Variants in PTPRE observed in about 807,000 individuals in gnomAD.
PTPRE encodes receptor-type tyrosine-protein phosphatase epsilon.
A neutral mutation model predicts 102.0 loss-of-function variants in PTPRE; 51 were observed. The observed-to-expected ratio is 0.50, with a 90% CI of 0.40 to 0.63. The LOEUF (loss-of-function observed/expected upper bound fraction) is 0.63. Ranked by LOEUF, PTPRE falls within the 30% of genes least tolerant of loss-of-function variation. The pLI, the probability that PTPRE is intolerant of heterozygous loss-of-function variation, is 0.00. For missense variants in PTPRE, 752 were observed against 915.1 expected, an observed-to-expected ratio of 0.82 and a Z score of 2.30; for synonymous variants, 345 against 348.2, an observed-to-expected ratio of 0.99 and a Z score of 0.10.
chr10:127,999,632 A>G, intron 2 of PTPRE: 2 of 985,104 alleles, frequency 2.0e-6, no homozygotes, highest in Non-Finnish European at 2.4e-6. Context: ...TTTCTTACTG[A>G]CTGATTATGA....
chr10:127,971,900 T>C (rs914036994), intron 1 of PTPRE, among the ~76,000 whole-genome samples: 1 of 152,206 alleles, frequency 6.6e-6, no homozygotes, highest in Non-Finnish European at 1.5e-5. Flanking sequence ...AGGTGCAGCA[T>C]TGAACTTCAT....
At chr10:128,055,226 C>T (rs1189382944) in intron 6 of PTPRE, among the ~76,000 whole-genome samples, 1 of 152,204 alleles carries the variant, frequency 6.6e-6, no homozygotes, top group South Asian at 2.1e-4. Flanking sequence ...TCAAGAGGCT[C>T]TTCACACTGT....
At chr10:128,081,772 C>T (rs1851727826) in intron 20 of PTPRE, among the ~76,000 whole-genome samples, 1 of 152,216 alleles carries the variant, frequency 6.6e-6, no homozygotes, top group Admixed American at 6.5e-5. Context: ...CAACTTCATG[C>T]AAATTCAGAA....
At chr10:127,985,868 A>T (rs1196962450) in intron 2 of PTPRE, among the ~76,000 whole-genome samples, 1 of 152,094 alleles carries the variant, frequency 6.6e-6, no homozygotes, top group Admixed American at 6.5e-5. Flanking sequence ...AGGTGGGAGG[A>T]TCACCTGGGG....
chr10:128,030,158 C>G (rs1279128569), intron 2 of PTPRE, among the ~76,000 whole-genome samples: 1 of 152,220 alleles, frequency 6.6e-6, no homozygotes, highest in Non-Finnish European at 1.5e-5. Flanking sequence ...GAGACCGTGT[C>G]CACTCAGCAA....
chr10:127,941,304 G>C (rs1158065372), intron 1 of PTPRE, among the ~76,000 whole-genome samples: 1 of 152,250 alleles, frequency 6.6e-6, no homozygotes, highest in Non-Finnish European at 1.5e-5. Flanking sequence ...TTTAGCAATT[G>C]TGGGAGCAAC....
At chr10:128,079,159 T>G (rs1405499249) in intron 19 of PTPRE, among the ~76,000 whole-genome samples, 1 of 152,126 alleles carries the variant, frequency 6.6e-6, no homozygotes, top group Non-Finnish European at 1.5e-5. Context: ...ATGCCAAGAT[T>G]ACCTCCTTCC....
chr10:127,927,751 A>G (rs1337537463), intron 1 of PTPRE, among the ~76,000 whole-genome samples: 1 of 152,248 alleles, frequency 6.6e-6, no homozygotes, highest in Non-Finnish European at 1.5e-5. Flanking sequence ...GAAAACTCAG[A>G]AAGTAACATT....
At chr10:128,040,198 T>C (rs890799697) in intron 2 of PTPRE, among the ~76,000 whole-genome samples, 2 of 152,062 alleles carry the variant, frequency 1.3e-5, no homozygotes, top group African/African-American at 2.4e-5. Flanking sequence ...CATGGTCAGA[T>C]GCAAGGGTCA....
intron 1 of PTPRE, among the ~76,000 whole-genome samples, chr10:127,978,105 T>C (rs1441858525): frequency 2.6e-5 from 4 of 152,210 alleles, no homozygotes; most frequent in African/African-American, 9.6e-5. Flanking sequence ...CAGGAAAATA[T>C]TTTAAGGAAT....
At chr10:128,066,222 A>G (rs1850076498) in intron 11 of PTPRE, 28 bp downstream of exon 11, 1 of 1,609,192 alleles carries the variant, frequency 6.2e-7, no homozygotes, top group African/African-American at 1.3e-5. Context: ...CTGCCCTTCC[A>G]GAAAGATCAT....
At chr10:127,945,409 C>A (rs1848556206) in intron 1 of PTPRE, among the ~76,000 whole-genome samples, 1 of 152,234 alleles carries the variant, frequency 6.6e-6, no homozygotes, top group African/African-American at 2.4e-5. Context: ...AGACTTTGGG[C>A]TCCTTGCCTG....
chr10:128,067,612 G>C (rs1850375036), intron 11 of PTPRE, among the ~76,000 whole-genome samples: 1 of 152,244 alleles, frequency 6.6e-6, no homozygotes, highest in African/African-American at 2.4e-5. Flanking sequence ...ATCTGGGCAA[G>C]GGAATTAAAC....
intron 19 of PTPRE, among the ~76,000 whole-genome samples, chr10:128,078,149 T>C (rs1167813602): frequency 6.6e-6 from 1 of 152,048 alleles, no homozygotes; most frequent in Non-Finnish European, 1.5e-5. Context: ...TTTGAGAGAC[T>C]GCCTTACTGG....
intron 3 of PTPRE, among the ~76,000 whole-genome samples, chr10:128,043,069 C>T (rs1050139658): frequency 2.0e-5 from 3 of 152,100 alleles, no homozygotes; most frequent in African/African-American, 7.2e-5. Context: ...ACATTATGGG[C>T]AGCATTCCGC....
chr10:127,978,399 A>G (rs923011915), intron 1 of PTPRE, among the ~76,000 whole-genome samples: 1 of 151,946 alleles, frequency 6.6e-6, no homozygotes, highest in Non-Finnish European at 1.5e-5. Context: ...TTAGTGGGAC[A>G]TGGTGGCGCA....
rs1845538345 is a variant in PTPRE at position 127,907,293 on chromosome 10, A to T, written c.-47A>T. On this transcript the variant is annotated 5_prime_UTR_variant, in exon 1 of 21. It introduces an in-frame stop codon into an upstream open reading frame of the 5' UTR. Coordinates refer to ENST00000254667, the MANE Select transcript of PTPRE (RefSeq NM_006504.6). This position sits in a 1 kb window ranked among gnomAD's most constrained non-coding sequence, Gnocchi z 4.8. ...CCGCTGCAGCGCGATCTGCGCGACC[A>T]GACCGGCCCCCCCGAGGTGAGCGCG... 3.0e-6 allele frequency: 3 copies of T among 984,538 alleles called. No homozygotes were observed. In the South Asian group the frequency reaches 1.4e-4, roughly 46 times the overall value. The allele number at this position is 984,538 out of a possible 1,614,324, so 61.0% of individuals were successfully genotyped here. A position where few individuals can be genotyped will look rare whatever the true frequency, so the allele number is the denominator to read the frequency against.
intron 1 of PTPRE, among the ~76,000 whole-genome samples, chr10:127,921,665 C>T (rs753123263): frequency 6.6e-6 from 1 of 152,180 alleles, no homozygotes; most frequent in Non-Finnish European, 1.5e-5. Context: ...GCCTCAGAGT[C>T]ACAGGGGAGG....
At chr10:128,068,099 CTT>C (rs769760521) in intron 11 of PTPRE, 22 bp from the exon 12 acceptor site, 1 of 1,601,614 alleles carries the variant, frequency 6.2e-7, no homozygotes. Context: ...TTCACCCACT[CTT>C]GTCTCCCCGC....
Sources: gnomAD v4.1 joint callset for allele counts (sites outside exome capture counted in the v4.1 genomes callset) on GRCh38, gnomAD v4.1.1 for gene constraint, Gnocchi (gnomAD v3.1) non-coding constraint, MANE v1.5 for transcripts, NCBI Gene and HGNC (gene_info 2026-07-23, HGNC 2026-07-21) for gene names.